The following TPD52L1 variants were observed in gnomAD, a reference collection of about 807,000 sequenced individuals.
TPD52L1 encodes the protein TPD52 like 1, also known as tumor protein D53.
TPD52L1 carries 18 observed loss-of-function variants against 28.7 expected under a neutral mutation model. That is an observed-to-expected ratio of 0.63 (90% CI 0.43 to 0.93). The LOEUF is 0.93. Among genes scored for constraint, TPD52L1 ranks in the 40% least tolerant of loss-of-function variants. The pLI, the probability that TPD52L1 is intolerant of heterozygous loss-of-function variation, is 0.00. For missense variants in TPD52L1, 203 were observed against 254.8 expected (o/e 0.80, Z 1.39); for synonymous variants, 75 against 88.8 (o/e 0.84, Z 0.88).
chr6:125,241,235 T>G (rs532445030), intron 3 of TPD52L1, among the ~76,000 whole-genome samples: 16 of 152,250 alleles, frequency 1.1e-4, no homozygotes, highest in African/African-American at 3.8e-4. Flanking sequence ...AGCTAGTATT[T>G]TGTTGAGGAT....
Position 125,260,968 on chromosome 6 carries a change from GA to G in TPD52L1, c.487-1863del, listed in dbSNP as rs1210436254. The G allele has an allele frequency of 1.4e-3, 61 of 44,586 alleles. 3 individuals carry two copies. The highest frequency in any genetic ancestry group is 0.011 in the African/African-American group (58 of 5,212). 2.8% of individuals were successfully genotyped at this position (44,586 alleles called of 1,614,324 possible). On this transcript the variant is annotated intron_variant, in intron 6 of 6. Transcript: ENST00000534000. Reference sequence around the variant, plus strand: ...AGAAAGAAAGAAAGAAAGAAAGAAAGAAAGAAAGAAAAGAAAAGAAAGAAAG... The same window carrying G: ...AGAAAGAAAGAAAGAAAGAAAGAAAGAAGAAAGAAAAGAAAAGAAAGAAAG...
At chr6:125,252,192 C>A in intron 4 of TPD52L1, 1 of 731,118 alleles carries the variant, frequency 1.4e-6, no homozygotes, top group Non-Finnish European at 2.2e-6. Flanking sequence ...GTTTATAGGG[C>A]ACTTAATACA....
intron 1 of TPD52L1, among the ~76,000 whole-genome samples, chr6:125,156,606 C>CA (rs551547105): frequency 4.5e-4 from 69 of 151,758 alleles, no homozygotes; most frequent in Non-Finnish European, 8.1e-4. Context: ...GCTGTCTCCA[C>CA]AAAAAATACA....
chr6:125,251,065 T>C (rs1312876820), intron 4 of TPD52L1, among the ~76,000 whole-genome samples: 1 of 152,134 alleles, frequency 6.6e-6, no homozygotes, highest in Non-Finnish European at 1.5e-5. Flanking sequence ...TTTTAAATTA[T>C]GCCCAAACAA....
intron 1 of TPD52L1, among the ~76,000 whole-genome samples, chr6:125,172,157 T>TTTCTTTTCTTTC (rs1554202455): frequency 4.3e-4 from 23 of 54,004 alleles, no homozygotes; most frequent in East Asian, 1.5e-3. Context: ...TCTTTCTTTC[T>TTTCTTTTCTTTC]TTTCTTTCTT....
intron 1 of TPD52L1, among the ~76,000 whole-genome samples, chr6:125,177,342 T>C (rs2114806958): frequency 6.6e-6 from 1 of 152,346 alleles, no homozygotes; most frequent in Admixed American, 6.5e-5. Flanking sequence ...AGTGAACTCC[T>C]GATTTTTCCC....
intron 3 of TPD52L1, 68 bp from the exon 4 acceptor site, chr6:125,248,214 G>A (rs2115035785): frequency 7.9e-7 from 1 of 1,265,496 alleles, no homozygotes; most frequent in Non-Finnish European, 1.1e-6. Flanking sequence ...AGTAAGGAGT[G>A]AGAAGGAAGA....
intron 1 of TPD52L1, among the ~76,000 whole-genome samples, chr6:125,212,620 A>G (rs1046674982): frequency 5.9e-5 from 9 of 152,314 alleles, no homozygotes; most frequent in Non-Finnish European, 8.8e-5. Context: ...GATTTTGCCT[A>G]CATTCTTCAG....
At chr6:125,168,999 T>C (rs568547661) in intron 1 of TPD52L1, among the ~76,000 whole-genome samples, 3 of 152,236 alleles carry the variant, frequency 2.0e-5, no homozygotes, top group Admixed American at 2.0e-4. Context: ...CCCTCTTTCT[T>C]TGTGCCCTCC....
chr6:125,224,168 C>A (rs1437805767), intron 2 of TPD52L1, among the ~76,000 whole-genome samples: 2 of 151,886 alleles, frequency 1.3e-5, no homozygotes, highest in East Asian at 1.9e-4. Flanking sequence ...TTTAGTATTT[C>A]ATAATGTGTC....
intron 1 of TPD52L1, among the ~76,000 whole-genome samples, chr6:125,204,112 C>A (rs1273771294): frequency 1.3e-5 from 2 of 152,156 alleles, no homozygotes; most frequent in Non-Finnish European, 2.9e-5. Context: ...TCTAGTGTTA[C>A]CTGCAATGTA....
rs1789942476 is a variant in TPD52L1 at position 125,153,984 on chromosome 6, G to C, written c.19+14G>C. On this transcript the variant is annotated intron_variant, in intron 1 of 6. Transcript: ENST00000534000. ...CGCAGGCACAAGGTGAGTGGTCGCC[G>C]ATCGCCCCGAGAGTCAGGTCCTGGG... 6.2e-7 allele frequency: 1 copy of C among 1,605,510 alleles called. No homozygotes were observed. Among genetic ancestry groups the C allele is most frequent in the Non-Finnish European group, 8.5e-7 (1 of 1,177,218 alleles).
At chr6:125,184,723 T>C (rs897223584) in intron 1 of TPD52L1, among the ~76,000 whole-genome samples, 2 of 151,900 alleles carry the variant, frequency 1.3e-5, no homozygotes, top group East Asian at 1.9e-4. Context: ...AAAACAATGA[T>C]GGAACGTTTA....
chr6:125,232,262 T>G (rs1190020385), intron 3 of TPD52L1, among the ~76,000 whole-genome samples: 4 of 152,154 alleles, frequency 2.6e-5, no homozygotes, highest in Non-Finnish European at 4.4e-5. Context: ...AACCAGTCCC[T>G]CTCTTTAGGA....
chr6:125,255,488 AT>A (rs1448997197), intron 5 of TPD52L1, among the ~76,000 whole-genome samples: 1 of 152,080 alleles, frequency 6.6e-6, no homozygotes, highest in African/African-American at 2.4e-5. Context: ...CGTACACAAA[AT>A]GTGATGCCAT....
At chr6:125,225,352 G>T (rs949352899) in intron 2 of TPD52L1, among the ~76,000 whole-genome samples, 1 of 152,034 alleles carries the variant, frequency 6.6e-6, no homozygotes, top group Admixed American at 6.6e-5. Context: ...TCAATTCTTT[G>T]GGGTATATAC....
At position 125,263,320 on chromosome 6, in the gene TPD52L1, C is replaced by T. The variant is rs1246331348; in HGVS notation, c.*358C>T. 2.2e-5 allele frequency: 5 copies of T among 225,038 alleles called. 1 individual carries two copies. The highest frequency in any genetic ancestry group is 4.4e-5 in the Non-Finnish European group (5 of 112,452). The allele number at this position is 225,038 out of a possible 1,614,324, so 13.9% of individuals were successfully genotyped here. On this transcript the variant is annotated 3_prime_UTR_variant, in exon 7 of 7. Transcript: ENST00000534000. ...TGGCCTCCTTTATGATGTGCATGTC[C>T]TTGAAGGCTGAATGAACAGTCCCTT... is the stretch of plus-strand genomic sequence containing the variant.
chr6:125,181,739 T>C (rs2114822496), intron 1 of TPD52L1, among the ~76,000 whole-genome samples: 1 of 152,360 alleles, frequency 6.6e-6, no homozygotes, highest in African/African-American at 2.4e-5. Flanking sequence ...TAACTCTGAA[T>C]ATCTAGGACT....
Position 125,257,029 on chromosome 6 carries a change from A to C in TPD52L1, c.426-69A>C. 2.8e-6 allele frequency: 4 copies of C among 1,428,460 alleles called. No homozygotes were observed. The South Asian group carries it at 5.3e-5, about 19-fold the overall frequency. 88.5% of individuals were successfully genotyped at this position (1,428,460 alleles called of 1,614,324 possible). On this transcript the variant is annotated intron_variant, in intron 5 of 6. Transcript: ENST00000534000. The stretch of plus-strand genomic sequence containing the variant: ...GGCCGTGTTTACAGATATGAGCAGA[A>C]AACCAAACAGCATGGTTGCTAAGAC...
Sources: allele counts gnomAD v4.1 joint callset (sites outside exome capture counted in the v4.1 genomes callset), GRCh38; gene constraint gnomAD v4.1.1; transcripts MANE v1.5; gene names NCBI Gene and HGNC (gene_info 2026-07-23, HGNC 2026-07-21).